Variants in KMT2C observed in about 807,000 individuals in gnomAD.
The protein encoded by KMT2C is lysine methyltransferase 2C, also known as histone-lysine N-methyltransferase 2C.
Under a neutral mutation model 507.9 loss-of-function variants are expected in KMT2C, and 88 were observed. That is an observed-to-expected ratio of 0.17 (90% CI 0.15 to 0.21). The LOEUF (loss-of-function observed/expected upper bound fraction) is 0.21. Among genes scored for constraint, KMT2C ranks in the 10% least tolerant of loss-of-function variants. The pLI is 1.00. For synonymous variants in KMT2C, 2,049 were observed against 2,080.8 expected (o/e 0.98, Z 0.42); for missense variants, 4,954 against 5,957.8 (o/e 0.83, Z 5.55).
At chr7:152,180,534 G>A (rs1295812117) in intron 36 of KMT2C, among the ~76,000 whole-genome samples, 177 bp downstream of exon 36, 1 of 152,080 alleles carries the variant, frequency 6.6e-6, no homozygotes. Context: ...ATCAGATACA[G>A]AATAAATTAA....
At chr7:152,251,079 A>C (rs1588595241) in intron 11 of KMT2C, 113 bp from the exon 12 acceptor site, 1 of 620,700 alleles carries the variant, frequency 1.6e-6, no homozygotes, top group East Asian at 2.8e-5. Context: ...AAAATGCTTT[A>C]AGTTTTTCTT....
chr7:152,430,601 T>C (rs1245711108), intron 1 of KMT2C, among the ~76,000 whole-genome samples: 1 of 152,154 alleles, frequency 6.6e-6, no homozygotes, highest in Non-Finnish European at 1.5e-5. Context: ...GTGATGTCCG[T>C]TCACTGCAGC....
intron 1 of KMT2C, among the ~76,000 whole-genome samples, chr7:152,408,864 C>G (rs946455516): frequency 3.1e-4 from 47 of 149,700 alleles, no homozygotes; most frequent in Non-Finnish European, 6.2e-4. Context: ...GGGTTAATAT[C>G]AAATATCTTA....
In KMT2C at chr7:152,358,502, A is replaced by C; in HGVS notation, c.250+85T>G. 4.6e-6 allele frequency: 4 copies of C among 870,454 alleles called. No individual in the cohort carries two copies. The East Asian group carries it at 9.9e-5, about 22-fold the overall frequency. 53.9% of individuals were successfully genotyped at this position (870,454 alleles called of 1,614,324 possible). On this transcript the variant is annotated intron_variant, in intron 2 of 58. Transcript: ENST00000262189. ...TATAAAAACAAATGCTTAACACAGA[A>C]TATTGTTATACAAATGCTACATGCA...
chr7:152,199,601 TAAAA>T, intron 26 of KMT2C, 142 bp from the exon 27 acceptor site: 1 of 433,804 alleles, frequency 2.3e-6, no homozygotes, highest in Non-Finnish European at 4.0e-6. Flanking sequence ...ACAGAAGTAT[TAAAA>T]AATAGAAATA....
chr7:152,363,012 GCT>G, intron 1 of KMT2C, among the ~76,000 whole-genome samples: 2 of 152,138 alleles, frequency 1.3e-5, no homozygotes, highest in Admixed American at 1.3e-4. Context: ...CTGCTCATTG[GCT>G]TCTGCCATGT....
At chr7:152,429,923 T>C (rs566189028) in intron 1 of KMT2C, among the ~76,000 whole-genome samples, 16 of 151,082 alleles carry the variant, frequency 1.1e-4, no homozygotes, top group South Asian at 4.3e-4. Context: ...ACGTCTGTAA[T>C]CCCAGCACTT....
At chr7:152,391,398 C>G (rs1418502166) in intron 1 of KMT2C, among the ~76,000 whole-genome samples, 1 of 150,322 alleles carries the variant, frequency 6.7e-6, no homozygotes, top group Admixed American at 6.7e-5. Flanking sequence ...CCTGCCACCA[C>G]GCCTAGCTAG....
rs2129113952 is a variant in KMT2C at position 152,176,960 on chromosome 7, A to T, written c.8493T>A (p.Ser2831=). 6.2e-7 allele frequency: 1 copy of T among 1,614,142 alleles called. No homozygotes were observed. ...EVKTEVLSPN[S]KVESKCETEK... is the part of the protein sequence containing the mutation. The stretch of plus-strand genomic sequence containing the variant: ...CAGTTTCACATTTGGATTCCACCTT[A>T]GAATTTGGAGACAGTACTTCCGTTT... Residue 2831 remains serine (S), a synonymous_variant, in exon 38 of 59, where the codon TCT becomes TCA. Transcript: ENST00000262189.
At chr7:152,375,002 G>A (rs2097317430) in intron 1 of KMT2C, among the ~76,000 whole-genome samples, 1 of 151,952 alleles carries the variant, frequency 6.6e-6, no homozygotes, top group Admixed American at 6.6e-5. Flanking sequence ...TATCCATTTT[G>A]CTTACAGACA....
At position 152,177,367 on chromosome 7, in the gene KMT2C, C is replaced by G; in HGVS notation, c.8086G>C (p.Val2696Leu). The change falls in exon 38 of 59, where the codon GTG (valine) becomes CTG (leucine). Residue 2696 changes from valine to leucine, a missense_variant. Coordinates refer to ENST00000262189, the MANE Select transcript of KMT2C (RefSeq NM_170606.3). ...EEKLDSDDPSVKELDVKDLEG... is the reference protein window; with the variant it reads ...EEKLDSDDPSLKELDVKDLEG... ...AGGTCTTTAACATCCAGTTCCTTCA[C>G]AGAAGGGTCATCAGAATCAAGTTTT... 6.2e-7 allele frequency: 1 copy of G among 1,614,154 alleles called. No homozygotes were observed.
At position 152,330,869 on chromosome 7, in the gene KMT2C, A is replaced by G. The variant is rs1046442008; in HGVS notation, c.251-130T>C. ...CAAATAACAATATTTCACTAACACA[A>G]GAAAAGTTCATGCACGTAATTAGTG... On this transcript the variant is annotated intron_variant, in intron 2 of 58. Transcript: ENST00000262189. The G allele has an allele frequency of 1.2e-5, 10 of 831,380 alleles. No homozygotes were observed. In the African/African-American group the frequency reaches 1.5e-4, roughly 13 times the overall value. The allele number at this position is 831,380 out of a possible 1,614,324, so 51.5% of individuals were successfully genotyped here. A position where few individuals can be genotyped will look rare whatever the true frequency, so the allele number is the denominator to read the frequency against.
chr7:152,257,290 G>A (rs2095676420), intron 9 of KMT2C, among the ~76,000 whole-genome samples: 1 of 152,076 alleles, frequency 6.6e-6, no homozygotes, highest in African/African-American at 2.4e-5. Flanking sequence ...TACCTTCACT[G>A]AAAATAAGAG....
At chr7:152,216,868 A>ATGT (rs2094597187) in intron 23 of KMT2C, among the ~76,000 whole-genome samples, 1 of 152,252 alleles carries the variant, frequency 6.6e-6, no homozygotes, top group Non-Finnish European at 1.5e-5. Flanking sequence ...CTGGTTGAGC[A>ATGT]CTTGTATTCT....
intron 14 of KMT2C, among the ~76,000 whole-genome samples, chr7:152,242,344 TCCA>T (rs1370926522): frequency 1.3e-5 from 2 of 152,196 alleles, no homozygotes; most frequent in African/African-American, 4.8e-5. Context: ...CACTAATGCC[TCCA>T]CCAGTAATAA....
At chr7:152,393,149 C>T (rs760236494) in intron 1 of KMT2C, among the ~76,000 whole-genome samples, 1 of 152,124 alleles carries the variant, frequency 6.6e-6, no homozygotes, top group South Asian at 2.1e-4. Flanking sequence ...CTATAACTCA[C>T]ACATGATAGT....
At chr7:152,309,351 C>T (rs1035093919) in intron 6 of KMT2C, among the ~76,000 whole-genome samples, 2 of 145,108 alleles carry the variant, frequency 1.4e-5, no homozygotes, top group Non-Finnish European at 3.0e-5. Context: ...GGGTCTCACT[C>T]CAACGCCCAG....
chr7:152,414,571 CT>C (rs2097715093), intron 1 of KMT2C, among the ~76,000 whole-genome samples: 1 of 151,838 alleles, frequency 6.6e-6, no homozygotes. Flanking sequence ...GTGAAAACTA[CT>C]CAATAAGATT....
chr7:152,423,900 T>C (rs2097794362), intron 1 of KMT2C, among the ~76,000 whole-genome samples: 1 of 152,202 alleles, frequency 6.6e-6, no homozygotes, highest in South Asian at 2.1e-4. Context: ...ATATTCATAA[T>C]TGTTTTATCT....
Sources: allele counts gnomAD v4.1 joint callset (sites outside exome capture counted in the v4.1 genomes callset), GRCh38; gene constraint gnomAD v4.1.1; transcripts MANE v1.5; gene names NCBI Gene and HGNC (gene_info 2026-07-23, HGNC 2026-07-21).